Variants in ERI3 observed in about 807,000 individuals in gnomAD.
ERI3 encodes the protein ERI1 exoribonuclease family member 3, also known as ERI1 exoribonuclease 3.
In ERI3, 18 loss-of-function variants were observed where a neutral mutation model predicts 44.4. The ratio of observed to expected loss-of-function variants is 0.41; its 90% CI spans 0.28 to 0.60. The LOEUF (loss-of-function observed/expected upper bound fraction) is 0.60. Among genes scored for constraint, ERI3 ranks in the 20% least tolerant of loss-of-function variants. The pLI is 0.36. For synonymous variants in ERI3, 183 were observed against 164.8 expected, an observed-to-expected ratio of 1.11 and a Z score of -0.84; for missense variants, 294 against 435.5, an observed-to-expected ratio of 0.68 and a Z score of 2.89.
chr1:44,324,189 G>T (rs1196717391), intron 3 of ERI3, among the ~76,000 whole-genome samples: 4 of 152,166 alleles, frequency 2.6e-5, no homozygotes, highest in African/African-American at 9.7e-5. Context: ...ACATGAAAGG[G>T]CTGCTAAGTG....
intron 6 of ERI3, among the ~76,000 whole-genome samples, chr1:44,285,976 G>A (rs1352422141): frequency 6.6e-6 from 1 of 152,180 alleles, no homozygotes; most frequent in Non-Finnish European, 1.5e-5. Flanking sequence ...CCAGTAGAGA[G>A]AAACAGTAGT....
intron 8 of ERI3, among the ~76,000 whole-genome samples, chr1:44,239,581 T>C (rs1358688175): frequency 6.6e-6 from 1 of 152,100 alleles, no homozygotes; most frequent in Non-Finnish European, 1.5e-5. Context: ...AGGGGCAGGG[T>C]TACCCTGCCC....
At chr1:44,283,132 G>A (rs543761623) in intron 7 of ERI3, among the ~76,000 whole-genome samples, 1 of 152,340 alleles carries the variant, frequency 6.6e-6, no homozygotes, top group Non-Finnish European at 1.5e-5. Context: ...AGCCTCAGAT[G>A]TGCTCTGACA....
chr1:44,284,969 A>T (rs1386132606), intron 6 of ERI3, 62 bp from the exon 7 acceptor site: 3 of 1,386,608 alleles, frequency 2.2e-6, no homozygotes, highest in Non-Finnish European at 3.1e-6. Context: ...ATGAAGTCTT[A>T]AGATGGGAAG....
intron 7 of ERI3, among the ~76,000 whole-genome samples, chr1:44,272,621 C>T (rs932853483): frequency 6.6e-6 from 1 of 151,976 alleles, no homozygotes; most frequent in Non-Finnish European, 1.5e-5. Context: ...GCGGGTGGAT[C>T]ACTCGAGGCC....
chr1:44,334,321 A>G (rs866516311), intron 3 of ERI3, among the ~76,000 whole-genome samples: 1 of 152,192 alleles, frequency 6.6e-6, no homozygotes, highest in Admixed American at 6.5e-5. Flanking sequence ...AAGATGCACA[A>G]TTAAAGATCC....
chr1:44,352,033 A>G (rs1488207426), intron 2 of ERI3, among the ~76,000 whole-genome samples: 1 of 152,082 alleles, frequency 6.6e-6, no homozygotes, highest in Non-Finnish European at 1.5e-5. Context: ...CTCTCCCATG[A>G]ATTTGTAAGC....
intron 7 of ERI3, among the ~76,000 whole-genome samples, chr1:44,273,759 T>A (rs543750873): frequency 6.6e-6 from 1 of 152,250 alleles, no homozygotes; most frequent in East Asian, 1.9e-4. Flanking sequence ...AGAGAAAGCA[T>A]CACCCACAAG....
In ERI3 at chr1:44,292,122, T is replaced by C. The variant is rs189118167; in HGVS notation, c.759-7215A>G. Among the ~76,000 whole-genome samples the C allele has an allele frequency of 2.1e-3, 323 of 152,260 alleles. 8 individuals carry two copies. The highest frequency in any genetic ancestry group is 1.1e-3 in the Non-Finnish European group (74 of 68,014). Reference sequence around the variant, plus strand: ...ATTGAGACCAAACCTGTAATGGCCTTTGGAGATGCTTCCAGGCCACCTGCA... The same window carrying C: ...ATTGAGACCAAACCTGTAATGGCCTCTGGAGATGCTTCCAGGCCACCTGCA... On this transcript the variant is annotated intron_variant, in intron 6 of 8. Transcript: ENST00000372257.
chr1:44,253,264 A>G (rs1318038854), intron 7 of ERI3, among the ~76,000 whole-genome samples: 1 of 152,218 alleles, frequency 6.6e-6, no homozygotes, highest in South Asian at 2.1e-4. Flanking sequence ...CAGTTCTGCC[A>G]GCTATTAGCA....
At chr1:44,288,615 A>G (rs1305903561) in intron 6 of ERI3, among the ~76,000 whole-genome samples, 5 of 152,222 alleles carry the variant, frequency 3.3e-5, no homozygotes, top group Non-Finnish European at 7.3e-5. Context: ...TTGCTCAATC[A>G]TACAACAAGG....
At position 44,339,060 on chromosome 1, in the gene ERI3, T is replaced by A. The variant is rs1193918209; in HGVS notation, c.474A>T (p.Pro158=). 1 of 1,613,676 alleles carries A rather than the reference T, an allele frequency of 6.2e-7. No homozygotes were observed. Among genetic ancestry groups the A allele is most frequent in the East Asian group, 2.2e-5 (1 of 44,832 alleles). ...GAACAGTTACCTGAGGATGAATCTG[T>A]GGCTTGTCGCACGTGGCCTCAAAGT... ...VLDFEATCDK[P]QIHPQEIIEF... The change falls in exon 3 of 9, where the codon CCA becomes CCT. Residue 158 remains proline (P), a synonymous_variant. Coordinates refer to ENST00000372257, the MANE Select transcript of ERI3 (RefSeq NM_024066.3).
chr1:44,302,073 G>A (rs1435143547), intron 6 of ERI3, among the ~76,000 whole-genome samples: 2 of 152,106 alleles, frequency 1.3e-5, no homozygotes, highest in East Asian at 1.9e-4. Flanking sequence ...TGTCCCTGTC[G>A]GCCAATCAGA....
chr1:44,332,709 C>T (rs896312729), intron 3 of ERI3, among the ~76,000 whole-genome samples: 2 of 152,182 alleles, frequency 1.3e-5, no homozygotes, highest in Admixed American at 6.5e-5. Context: ...AGCCAAGACT[C>T]GGACACAGCA....
intron 3 of ERI3, among the ~76,000 whole-genome samples, chr1:44,328,091 G>C (rs1228776730): frequency 6.6e-6 from 1 of 152,220 alleles, no homozygotes; most frequent in Admixed American, 6.5e-5. Context: ...CTGTGGGGTG[G>C]TTCATAGATT....
At chr1:44,245,590 A>C (rs932348684) in intron 8 of ERI3, among the ~76,000 whole-genome samples, 14 of 152,088 alleles carry the variant, frequency 9.2e-5, no homozygotes, top group African/African-American at 3.4e-4. Context: ...CAAAGCCCTT[A>C]CTCCATTGTC....
At chr1:44,223,787 C>A (rs1043347341) in intron 8 of ERI3, among the ~76,000 whole-genome samples, 2 of 152,172 alleles carry the variant, frequency 1.3e-5, no homozygotes, top group East Asian at 3.9e-4. Context: ...AGGGTCCCCA[C>A]GTCCCAGTCT....
At chr1:44,299,191 T>A (rs1157613077) in intron 6 of ERI3, among the ~76,000 whole-genome samples, 1 of 152,144 alleles carries the variant, frequency 6.6e-6, no homozygotes, top group East Asian at 1.9e-4. Context: ...ACCTCAATTT[T>A]TTTTTTTAAG....
rs1004924756 is a variant in ERI3, at chr1:44,235,631, C to T, written c.931+12308G>A. On this transcript the variant is annotated intron_variant, in intron 8 of 8. Coordinates refer to ENST00000372257, the MANE Select transcript of ERI3 (RefSeq NM_024066.3). This position sits in a 1 kb window ranked among gnomAD's most constrained non-coding sequence, Gnocchi z 4.6. ...TGACATTTGCCACCCAAAGCCTTGA[C>T]ATGCCCAGGCCCTGAAACCCTGTCA... is the stretch of plus-strand genomic sequence containing the variant. Among the ~76,000 whole-genome samples the T allele has an allele frequency of 2.0e-5, 3 of 152,246 alleles. No homozygotes were observed. Among genetic ancestry groups the T allele is most frequent in the Non-Finnish European group, 2.9e-5 (2 of 68,046 alleles).
Sources: gnomAD v4.1 joint callset for allele counts (sites outside exome capture counted in the v4.1 genomes callset) on GRCh38, gnomAD v4.1.1 for gene constraint, Gnocchi (gnomAD v3.1) non-coding constraint, MANE v1.5 for transcripts, NCBI Gene and HGNC (gene_info 2026-07-23, HGNC 2026-07-21) for gene names.